The following PITPNC1 variants were observed in gnomAD, a reference collection of about 807,000 sequenced individuals.
PITPNC1 encodes phosphatidylinositol transfer protein cytoplasmic 1, also known as cytoplasmic phosphatidylinositol transfer protein 1.
A neutral mutation model predicts 44.7 loss-of-function variants in PITPNC1; 18 were observed. That is an observed-to-expected ratio of 0.40 (90% CI 0.28 to 0.60). PITPNC1 has a LOEUF of 0.60. Ranked by LOEUF, PITPNC1 falls within the 20% of genes least tolerant of loss-of-function variation. The pLI is 0.39. For missense variants in PITPNC1, 290 were observed against 418.4 expected, an observed-to-expected ratio of 0.69 and a Z score of 2.68; for synonymous variants, 141 against 149.6, an observed-to-expected ratio of 0.94 and a Z score of 0.42.
At chr17:67,442,067 T>C (rs1438354129) in intron 1 of PITPNC1, among the ~76,000 whole-genome samples, 1 of 151,688 alleles carries the variant, frequency 6.6e-6, no homozygotes, top group Non-Finnish European at 1.5e-5. Flanking sequence ...GCCCCAGAAA[T>C]GTTGCTTGAA....
intron 6 of PITPNC1, 98 bp downstream of exon 6, chr17:67,632,336 CG>C: frequency 1.3e-6 from 1 of 749,064 alleles, no homozygotes; most frequent in Non-Finnish European, 2.3e-6. Flanking sequence ...TGCCATCTCT[CG>C]TCGTGTGGAT....
chr17:67,434,258 G>T (rs895001511), intron 1 of PITPNC1, among the ~76,000 whole-genome samples: 19 of 152,118 alleles, frequency 1.2e-4, no homozygotes, highest in African/African-American at 4.6e-4. Context: ...CCCTCCCTGT[G>T]CCCACACAAG....
chr17:67,655,558 CAAAAAA>C (rs796111267), intron 6 of PITPNC1, among the ~76,000 whole-genome samples: 1 of 42,076 alleles, frequency 2.4e-5, no homozygotes, highest in African/African-American at 7.8e-5. Flanking sequence ...AGACTCATCT[CAAAAAA>C]AAAAAAAAAA....
chr17:67,467,962 TC>T (rs1011056167), intron 1 of PITPNC1, among the ~76,000 whole-genome samples: 3 of 152,332 alleles, frequency 2.0e-5, no homozygotes, highest in Middle Eastern at 3.4e-3. Flanking sequence ...TGCCAGCCTC[TC>T]GGCTTGGTGC....
intron 1 of PITPNC1, among the ~76,000 whole-genome samples, chr17:67,490,769 C>G (rs892961528): frequency 6.6e-6 from 1 of 152,174 alleles, no homozygotes; most frequent in Non-Finnish European, 1.5e-5. Flanking sequence ...GAACATAGCA[C>G]AGGACTCTGG....
At chr17:67,435,066 G>A (rs1261777762) in intron 1 of PITPNC1, among the ~76,000 whole-genome samples, 2 of 135,972 alleles carry the variant, frequency 1.5e-5, no homozygotes, top group Non-Finnish European at 3.0e-5. Context: ...CTGAGATCAC[G>A]CCACTGCACT....
chr17:67,656,982 C>T (rs1443350669), intron 6 of PITPNC1, among the ~76,000 whole-genome samples: 1 of 151,942 alleles, frequency 6.6e-6, no homozygotes, highest in African/African-American at 2.4e-5. Context: ...ACTGAATGTT[C>T]GTAAACCCAA....
chr17:67,482,492 G>C (rs905873851), intron 1 of PITPNC1, among the ~76,000 whole-genome samples: 5 of 152,070 alleles, frequency 3.3e-5, no homozygotes, highest in African/African-American at 1.2e-4. Context: ...CTGGAGTTTA[G>C]GTTAGTAGAA....
chr17:67,488,154 A>G (rs764119682), intron 1 of PITPNC1, among the ~76,000 whole-genome samples: 8 of 152,254 alleles, frequency 5.3e-5, no homozygotes, highest in Non-Finnish European at 1.2e-4. Context: ...ACATTGAGTC[A>G]ACCCATCGCA....
intron 1 of PITPNC1, among the ~76,000 whole-genome samples, chr17:67,386,058 A>G (rs766603562): frequency 2.0e-5 from 3 of 152,214 alleles, no homozygotes; most frequent in East Asian, 1.9e-4. Flanking sequence ...TTGAAAGTCA[A>G]TTTAGAAACC....
At chr17:67,646,348 C>T (rs902352968) in intron 6 of PITPNC1, among the ~76,000 whole-genome samples, 7 of 152,128 alleles carry the variant, frequency 4.6e-5, no homozygotes, top group Non-Finnish European at 7.4e-5. Context: ...GCTTCTGTTC[C>T]AAAAATACCC....
chr17:67,419,489 C>T (rs1180635533), intron 1 of PITPNC1, among the ~76,000 whole-genome samples: 1 of 152,156 alleles, frequency 6.6e-6, no homozygotes, highest in African/African-American at 2.4e-5. Flanking sequence ...AGAGCTGGCC[C>T]GTCTTCCCTA....
At chr17:67,425,263 A>ACACACACACACG (rs71139145) in intron 1 of PITPNC1, among the ~76,000 whole-genome samples, 1 of 119,476 alleles carries the variant, frequency 8.4e-6, no homozygotes, top group Non-Finnish European at 1.9e-5. Flanking sequence ...ACACACACAC[A>ACACACACACACG]GAGGGAGAGA....
chr17:67,579,936 C>CT (rs1177521452), intron 5 of PITPNC1, among the ~76,000 whole-genome samples: 2 of 126,914 alleles, frequency 1.6e-5, no homozygotes, highest in Non-Finnish European at 3.4e-5. Flanking sequence ...GAGACTCTGT[C>CT]TCAAAAAAAA....
intron 1 of PITPNC1, chr17:67,378,983 C>T (rs769168286): frequency 5.3e-4 from 520 of 985,270 alleles, no homozygotes; most frequent in Non-Finnish European, 5.9e-4. Context: ...AAGCGCGGCT[C>T]TGCTGTCCTT....
intron 2 of PITPNC1, among the ~76,000 whole-genome samples, chr17:67,538,052 A>G (rs897011447): frequency 5.9e-5 from 9 of 151,954 alleles, no homozygotes; most frequent in Non-Finnish European, 1.2e-4. Context: ...GAGGGGCTTG[A>G]CCTACTAGAT....
At chr17:67,539,962 T>C (rs920640329) in intron 2 of PITPNC1, among the ~76,000 whole-genome samples, 2 of 152,104 alleles carry the variant, frequency 1.3e-5, no homozygotes, top group African/African-American at 4.8e-5. Flanking sequence ...CAACCGCATA[T>C]GTAATAAAAG....
intron 1 of PITPNC1, among the ~76,000 whole-genome samples, chr17:67,528,144 T>C (rs1258857396): frequency 6.6e-6 from 1 of 152,138 alleles, no homozygotes; most frequent in East Asian, 1.9e-4. Flanking sequence ...TGGGTTCAAG[T>C]GATTCTCCTG....
chr17:67,487,471 A>G (rs2039796825), intron 1 of PITPNC1, among the ~76,000 whole-genome samples: 1 of 152,132 alleles, frequency 6.6e-6, no homozygotes, highest in Non-Finnish European at 1.5e-5. Flanking sequence ...CACCACACCC[A>G]GCCTCCTTTT....
Sources: allele counts gnomAD v4.1 joint callset (sites outside exome capture counted in the v4.1 genomes callset), GRCh38; gene constraint gnomAD v4.1.1; transcripts MANE v1.5; gene names NCBI Gene and HGNC (gene_info 2026-07-23, HGNC 2026-07-21).